Variants in CD163L1 observed in about 807,000 individuals in gnomAD.
The protein encoded by CD163L1 is CD163 molecule like 1.
CD163L1 carries 124 observed loss-of-function variants against 165.4 expected under a neutral mutation model. The observed-to-expected ratio is 0.75, with a 90% CI of 0.65 to 0.87. The LOEUF is 0.87. CD163L1 is among the 40% of genes least tolerant of loss of function. The pLI is 0.00. For missense variants in CD163L1, 1,525 were observed against 1,799.9 expected, an observed-to-expected ratio of 0.85 and a Z score of 2.76; for synonymous variants, 585 against 662.2, an observed-to-expected ratio of 0.88 and a Z score of 1.79.
chr12:7,385,016 G>A (rs896187185), intron 8 of CD163L1, among the ~76,000 whole-genome samples: 5 of 151,940 alleles, frequency 3.3e-5, no homozygotes, highest in Non-Finnish European at 4.4e-5. Context: ...AACCTTGAAT[G>A]TAAATGAATT....
intron 2 of CD163L1, among the ~76,000 whole-genome samples, chr12:7,434,552 C>T (rs765816239): frequency 5.3e-5 from 8 of 151,862 alleles, no homozygotes; most frequent in Non-Finnish European, 1.0e-4. Context: ...GAGTTTTCAA[C>T]GTGAAACTTT....
At position 7,347,429 on chromosome 12, in the gene CD163L1, G is replaced by C. The variant is rs965923660; in HGVS notation, c.*25-282C>G. ...ATAGTTTTCTTCATTGACAATGGGT[G>C]GTTACTTTCCTTATATCTTTATAAC... is the stretch of plus-strand genomic sequence containing the variant. On this transcript the variant is annotated intron_variant, in intron 4 of 4. Transcript: ENST00000539726. The surrounding 1 kb of genome is among the most constrained non-coding windows in gnomAD (Gnocchi z 4.2). 3.9e-5 allele frequency among the ~76,000 whole-genome samples: 6 copies of C among 151,966 alleles called. No individual in the cohort carries two copies. The highest frequency in any genetic ancestry group is 1.5e-4 in the African/African-American group (6 of 41,356).
intron 8 of CD163L1, among the ~76,000 whole-genome samples, chr12:7,386,407 C>T (rs1276645336): frequency 2.0e-5 from 3 of 151,864 alleles, no homozygotes; most frequent in Admixed American, 2.0e-4. Flanking sequence ...AATCTAACAT[C>T]AATTCTTTTC....
chr12:7,341,806 A>C (rs1946639298), downstream of CD163L1, among the ~76,000 whole-genome samples: 2 of 152,202 alleles, frequency 1.3e-5, no homozygotes, highest in Admixed American at 1.3e-4. Context: ...AGAGTCATTT[A>C]GCCTATATGG....
rs368881388 is a variant in CD163L1 at position 7,379,287 on chromosome 12, T to C, written c.2062A>G (p.Met688Val). The C allele has an allele frequency of 6.2e-7, 1 of 1,613,830 alleles. No homozygotes were observed. The highest frequency in any genetic ancestry group is 2.2e-5 in the East Asian group (1 of 44,868). The change falls in exon 9 of 20, where the codon ATG becomes GTG. Residue 688 changes from methionine to valine, a missense_variant. Coordinates refer to ENST00000313599, the MANE Select transcript of CD163L1 (RefSeq NM_174941.6). ...CTTCCACCCACAAGCCTCAGCTCCA[T>C]ATCCGATGCATCTGAAACCAAATAC... ...VGVICSDASD[M>V]ELRLVGGSSR...
At chr12:7,439,812 G>A (rs1043613530) in intron 2 of CD163L1, 2 of 1,613,536 alleles carry the variant, frequency 1.2e-6, no homozygotes, top group Non-Finnish European at 1.7e-6. Flanking sequence ...TCTCCACCTC[G>A]AACACATCCT....
chr12:7,346,265 T>C (rs910821685), downstream of CD163L1, among the ~76,000 whole-genome samples: 1 of 152,180 alleles, frequency 6.6e-6, no homozygotes, highest in Non-Finnish European at 1.5e-5. Context: ...GGGCCACATT[T>C]ATTCTTTTTT....
chr12:7,435,372 T>A (rs1046772038), intron 2 of CD163L1, among the ~76,000 whole-genome samples: 4 of 151,650 alleles, frequency 2.6e-5, no homozygotes, highest in Non-Finnish European at 5.9e-5. Context: ...TTATATTTTT[T>A]AAATATATAT....
At chr12:7,423,529 T>A (rs1948480806) in intron 4 of CD163L1, among the ~76,000 whole-genome samples, 1 of 151,598 alleles carries the variant, frequency 6.6e-6, no homozygotes, top group South Asian at 2.1e-4. Context: ...AAAAAAACAA[T>A]CAACCCAGGA....
chr12:7,403,246 T>G (rs1231522659), intron 6 of CD163L1, among the ~76,000 whole-genome samples: 3 of 152,158 alleles, frequency 2.0e-5, no homozygotes, highest in Non-Finnish European at 4.4e-5. Flanking sequence ...AACTGTAAAT[T>G]AGTACAACTC....
the CD163L1 span, among the ~76,000 whole-genome samples, chr12:7,333,712 G>T: frequency 1.3e-5 from 2 of 152,062 alleles, no homozygotes; most frequent in Non-Finnish European, 2.9e-5. Flanking sequence ...CTGGTTTTTT[G>T]AAAAGATCAA....
Position 7,398,689 on chromosome 12 carries a change from T to TA in CD163L1, c.1409-106_1409-105insT. 1 of 932,460 alleles carries TA rather than the reference T, an allele frequency of 1.1e-6. No homozygotes were observed. Among genetic ancestry groups the TA allele is most frequent in the Non-Finnish European group, 1.5e-6 (1 of 657,418 alleles). 57.8% of individuals were successfully genotyped at this position (932,460 alleles called of 1,614,324 possible). A position where few individuals can be genotyped will look rare whatever the true frequency, so the allele number is the denominator to read the frequency against. Reference sequence around the variant, plus strand: ...CGACTATAAGGCTTTGCCTAACAGGTGATATATTAGGCACACTTTTGAATG... The same window carrying TA: ...CGACTATAAGGCTTTGCCTAACAGGTAGATATATTAGGCACACTTTTGAATG... On this transcript the variant is annotated intron_variant, in intron 6 of 19. Coordinates refer to ENST00000313599, the MANE Select transcript of CD163L1 (RefSeq NM_174941.6). The surrounding 1 kb of genome is among the most constrained non-coding windows in gnomAD (Gnocchi z 4.5).
chr12:7,366,505 G>T (rs1243350152), intron 18 of CD163L1, among the ~76,000 whole-genome samples: 1 of 151,956 alleles, frequency 6.6e-6, no homozygotes, highest in Non-Finnish European at 1.5e-5. Context: ...CATGTACCTA[G>T]AAACTATGTA....
At chr12:7,333,465 A>G in the CD163L1 span, among the ~76,000 whole-genome samples, 1 of 152,242 alleles carries the variant, frequency 6.6e-6, no homozygotes, top group Non-Finnish European at 1.5e-5. Context: ...ACAACATACC[A>G]GAATCTCTGG....
rs539193876 is a variant in CD163L1 at position 7,372,049 on chromosome 12, T to C, written c.3730+1271A>G. 7.9e-4 allele frequency among the ~76,000 whole-genome samples: 120 copies of C among 152,002 alleles called. No homozygotes were observed. Among genetic ancestry groups the C allele is most frequent in the Middle Eastern group, 6.8e-3 (2 of 294 alleles). On this transcript the variant is annotated intron_variant, in intron 14 of 19. Coordinates refer to ENST00000313599, the MANE Select transcript of CD163L1 (RefSeq NM_174941.6). The surrounding 1 kb of genome is among the most constrained non-coding windows in gnomAD (Gnocchi z 4.2). ...ATATTATTTTGTGATACAATTACAA[T>C]AGTAAAAAGAAGCAAAATGCTTAAA...
rs1229741291 is a variant in CD163L1, at chr12:7,349,163, G to T, written c.*25-2016C>A. On this transcript the variant is annotated intron_variant, in intron 4 of 4. Transcript: ENST00000539726. Reference sequence around the variant, plus strand: ...GCTTGTGGAAATCCAGAAATGGCAGGTAGAGCACATCAGAAATTACTTTCT... The same window carrying T: ...GCTTGTGGAAATCCAGAAATGGCAGTTAGAGCACATCAGAAATTACTTTCT... Among the ~76,000 whole-genome samples, 3 of 152,152 alleles carry T rather than the reference G, an allele frequency of 2.0e-5. No individual in the cohort carries two copies. The East Asian group carries it at 5.8e-4, about 29-fold the overall frequency.
intron 5 of CD163L1, among the ~76,000 whole-genome samples, chr12:7,406,176 T>G (rs1035098020): frequency 2.0e-5 from 3 of 152,186 alleles, no homozygotes. Context: ...ATATGCAAAG[T>G]GATTACACAT....
intron 8 of CD163L1, among the ~76,000 whole-genome samples, chr12:7,383,642 G>A (rs1272303663): frequency 6.6e-6 from 1 of 152,096 alleles, no homozygotes; most frequent in Non-Finnish European, 1.5e-5. Context: ...TCCTAGCAAA[G>A]CTTCACAACA....
intron 18 of CD163L1, among the ~76,000 whole-genome samples, chr12:7,366,868 C>T (rs886989989): frequency 3.3e-5 from 5 of 151,958 alleles, no homozygotes; most frequent in Non-Finnish European, 7.4e-5. Flanking sequence ...AACTTAGCCA[C>T]CATATTAAAA....
Sources: allele counts gnomAD v4.1 joint callset (sites outside exome capture counted in the v4.1 genomes callset), GRCh38; gene constraint gnomAD v4.1.1; non-coding constraint Gnocchi (gnomAD v3.1); transcripts MANE v1.5; gene names NCBI Gene and HGNC (gene_info 2026-07-23, HGNC 2026-07-21).